The following DENND2A variants were observed in gnomAD, a reference collection of about 807,000 sequenced individuals.
DENND2A encodes the protein DENN domain-containing protein 2A.
In DENND2A, 53 loss-of-function variants were observed where a neutral mutation model predicts 105.3. The observed-to-expected ratio is 0.50, with a 90% CI of 0.40 to 0.63. The LOEUF (loss-of-function observed/expected upper bound fraction) is 0.63. Ranked by LOEUF, DENND2A falls within the 30% of genes least tolerant of loss-of-function variation. The probability of loss-of-function intolerance (pLI) is 0.00; values close to 1 mark genes in which losing one functional copy is unlikely to be tolerated. For missense variants in DENND2A, 1,138 were observed against 1,279.6 expected (o/e 0.89, Z 1.69); for synonymous variants, 522 against 508.4 (o/e 1.03, Z -0.36).
chr7:140,580,056 T>G (rs1016692567), intron 5 of DENND2A, among the ~76,000 whole-genome samples: 5 of 151,942 alleles, frequency 3.3e-5, no homozygotes, highest in African/African-American at 9.7e-5. Flanking sequence ...TGCAGTGAGC[T>G]GAGATCATGC....
rs114089537 is a variant in DENND2A at position 140,581,507 on chromosome 7, T to C, written c.1245+4082A>G. Among the ~76,000 whole-genome samples, 923 of 152,092 alleles carry C rather than the reference T, an allele frequency of 6.1e-3. 5 individuals are homozygous for C. The highest frequency in any genetic ancestry group is 0.021 in the African/African-American group (854 of 41,504). On this transcript the variant is annotated intron_variant, in intron 5 of 19. Transcript: ENST00000496613. ...TGGCTGAGGATCTCTCCGCAGCTGG[T>C]GGGGGAGGTCACATGGAGGGACTGC...
chr7:140,572,498 C>T (rs905068486), intron 6 of DENND2A, among the ~76,000 whole-genome samples: 30 of 151,836 alleles, frequency 2.0e-4, no homozygotes, highest in Non-Finnish European at 3.7e-4. Context: ...CACGGTGGCT[C>T]ATGCCTGTAA....
At chr7:140,610,843 G>A (rs553494429) in intron 1 of DENND2A, among the ~76,000 whole-genome samples, 3 of 152,256 alleles carry the variant, frequency 2.0e-5, no homozygotes, top group Non-Finnish European at 4.4e-5. Context: ...AGGAGGACCC[G>A]GCAGCTCCTT....
intron 3 of DENND2A, among the ~76,000 whole-genome samples, chr7:140,593,783 C>T (rs1451803978): frequency 6.6e-6 from 1 of 152,206 alleles, no homozygotes; most frequent in East Asian, 1.9e-4. Context: ...GAGGCAGCTA[C>T]ACCACAGGGT....
chr7:140,559,121 G>A lies in DENND2A; in HGVS notation c.1889+587C>T, dbSNP rs1265212946. On this transcript the variant is annotated intron_variant, in intron 10 of 19. Coordinates refer to ENST00000496613, the MANE Select transcript of DENND2A (RefSeq NM_015689.5). The surrounding 1 kb of genome is among the most constrained non-coding windows in gnomAD (Gnocchi z 4.1). ...GGATGTGACTCGGTGAGGGAGCAGC[G>A]GAAGATGGGGACAGTTCTGTGCCCC... 1.3e-5 allele frequency among the ~76,000 whole-genome samples: 2 copies of A among 152,168 alleles called. No homozygotes were observed. The highest frequency in any genetic ancestry group is 1.9e-4 in the East Asian group (1 of 5,192).
rs541315484 is a variant in DENND2A, at chr7:140,577,555, G to A, written c.1246-3547C>T. Among the ~76,000 whole-genome samples, 43 of 152,062 alleles carry A rather than the reference G, an allele frequency of 2.8e-4. 1 individual carries two copies. Among genetic ancestry groups the A allele is most frequent in the African/African-American group, 9.6e-4 (40 of 41,512 alleles). Reference sequence around the variant, plus strand: ...TGGGATTACAGGCGAGTGCCACCACGCCTGGCTAATTTTTGTATTTTTAGT... The same window carrying A: ...TGGGATTACAGGCGAGTGCCACCACACCTGGCTAATTTTTGTATTTTTAGT... On this transcript the variant is annotated intron_variant, in intron 5 of 19. Transcript: ENST00000496613.
At chr7:140,622,618 A>C (rs1036523249) in intron 1 of DENND2A, among the ~76,000 whole-genome samples, 5 of 152,130 alleles carry the variant, frequency 3.3e-5, no homozygotes, top group South Asian at 4.1e-4. Flanking sequence ...GAATTTTACA[A>C]CACCAGTGTA....
At position 140,601,877 on chromosome 7, in the gene DENND2A, G is replaced by C; in HGVS notation, c.521C>G (p.Ser174Trp). 6.2e-7 allele frequency: 1 copy of C among 1,614,172 alleles called. No homozygotes were observed. The highest frequency in any genetic ancestry group is 8.5e-7 in the Non-Finnish European group (1 of 1,180,030). ...KKLEQALKDG[S>W]AGLDPQLPGT... ...TGGTAACTGGGGATCCAGCCCTGCCGACCCATCCTTCAAAGCCTGCTCGAG... is the reference window on the plus strand; with the variant it reads ...TGGTAACTGGGGATCCAGCCCTGCCCACCCATCCTTCAAAGCCTGCTCGAG... The change falls in exon 3 of 20, where the codon TCG becomes TGG. Residue 174 changes from serine (S) to tryptophan (W), a missense_variant. By Grantham distance (177) the Ser-to-Trp change is radical (BLOSUM62 -3). Coordinates refer to ENST00000496613, the MANE Select transcript of DENND2A (RefSeq NM_015689.5).
chr7:140,548,346 AAG>A (rs932349984), intron 12 of DENND2A, among the ~76,000 whole-genome samples: 5 of 151,678 alleles, frequency 3.3e-5, no homozygotes, highest in Non-Finnish European at 7.4e-5. Context: ...TTGTAAATTG[AAG>A]AGTCTAAATT....
chr7:140,557,485 G>GT (rs1204152164), intron 11 of DENND2A, among the ~76,000 whole-genome samples: 7 of 87,810 alleles, frequency 8.0e-5, no homozygotes, highest in Admixed American at 3.9e-4. Context: ...CTCAATTCCT[G>GT]TTTTTTTAAT....
intron 8 of DENND2A, 77 bp downstream of exon 8, chr7:140,568,686 C>T (rs1797969483): frequency 1.4e-6 from 2 of 1,474,508 alleles, no homozygotes; most frequent in East Asian, 2.3e-5. Flanking sequence ...TTCTGTCCCT[C>T]ATACTAAGGA....
At chr7:140,550,075 A>C (rs947243667) in intron 12 of DENND2A, among the ~76,000 whole-genome samples, 1 of 137,414 alleles carries the variant, frequency 7.3e-6, no homozygotes, top group African/African-American at 2.6e-5. Context: ...AGAATCCTGG[A>C]ATTCATAAAA....
intron 15 of DENND2A, among the ~76,000 whole-genome samples, chr7:140,526,542 C>G (rs1321102946): frequency 6.6e-6 from 1 of 152,212 alleles, no homozygotes; most frequent in African/African-American, 2.4e-5. Flanking sequence ...AGGGCCACCT[C>G]TCCTTCCTTC....
intron 14 of DENND2A, among the ~76,000 whole-genome samples, chr7:140,541,070 T>C: frequency 6.6e-6 from 1 of 152,152 alleles, no homozygotes; most frequent in East Asian, 1.9e-4. Context: ...CCTCCTGCAT[T>C]GCCCTTTGGA....
At chr7:140,624,045 G>A (rs1291644852) in intron 1 of DENND2A, among the ~76,000 whole-genome samples, 3 of 152,204 alleles carry the variant, frequency 2.0e-5, no homozygotes, top group Non-Finnish European at 2.9e-5. Context: ...AAACATTTAC[G>A]AGAGGCTGCA....
Position 140,523,375 on chromosome 7 carries a change from T to G in DENND2A, c.2597A>C (p.Glu866Ala), listed in dbSNP as rs368486455. The G allele has an allele frequency of 7.8e-5, 126 of 1,614,032 alleles. No homozygotes were observed. Among genetic ancestry groups the G allele is most frequent in the Non-Finnish European group, 1.0e-4 (118 of 1,180,028 alleles). The change falls in exon 17 of 20, where the codon GAA (glutamate) becomes GCA (alanine). Residue 866 changes from glutamate (E) to alanine (A), a missense_variant. By Grantham distance (107) the Glu-to-Ala change is moderately radical. Around this residue, in one of 2 missense-constraint regions of DENND2A, gnomAD observed 627 missense variants for 779.8 expected, o/e 0.80. Transcript: ENST00000496613. This position sits in a 1 kb window ranked among gnomAD's most constrained non-coding sequence, Gnocchi z 4.5. Reference protein sequence around the residue: ...ILPRKLQVALEHILEQRNELA... With the variant: ...ILPRKLQVALAHILEQRNELA... The stretch of plus-strand genomic sequence containing the variant: ...CTCGTTCCTCTGTTCCAGAATGTGT[T>G]CCAGGGCCACCTGAAGCTTCCGGGG...
In DENND2A at chr7:140,601,431, C is replaced by G; in HGVS notation, c.967G>C (p.Gly323Arg). 1 of 1,606,912 alleles carries G rather than the reference C, an allele frequency of 6.2e-7. No individual in the cohort carries two copies. Among genetic ancestry groups the G allele is most frequent in the Non-Finnish European group, 8.5e-7 (1 of 1,176,944 alleles). The change falls in exon 3 of 20, where the codon GGG (glycine) becomes CGG (arginine). Residue 323 changes from glycine to arginine, a missense_variant. Coordinates refer to ENST00000496613, the MANE Select transcript of DENND2A (RefSeq NM_015689.5). ...TGGTCTGCACTGGATTTCTGTCTCC[C>G]GGTCCACAGTCTTCTGTTCACAGAG... Reference protein sequence around the residue: ...PSSVNRRLWTGRQKSSADHRK... With the variant: ...PSSVNRRLWTRRQKSSADHRK...
chr7:140,625,766 CTTTTA>C (rs537967708), intron 1 of DENND2A, among the ~76,000 whole-genome samples: 226 of 152,082 alleles, frequency 1.5e-3, no homozygotes, highest in Non-Finnish European at 2.0e-3. Context: ...GCTTTTTCTT[CTTTTA>C]TAAGAAAAGA....
intron 19 of DENND2A, 59 bp downstream of exon 19, chr7:140,519,573 A>T: frequency 2.7e-6 from 4 of 1,497,338 alleles, no homozygotes; most frequent in Non-Finnish European, 3.7e-6. Flanking sequence ...ACCGGCTGGG[A>T]CTCCGAGACA....
Sources: gnomAD v4.1 joint callset for allele counts (sites outside exome capture counted in the v4.1 genomes callset) on GRCh38, gnomAD v4.1.1 for gene constraint, gnomAD v4.1.1 regional missense constraint, Gnocchi (gnomAD v3.1) non-coding constraint, MANE v1.5 for transcripts, NCBI Gene and HGNC (gene_info 2026-07-23, HGNC 2026-07-21) for gene names.